Variants in PHTF1 observed in about 807,000 individuals in gnomAD.
PHTF1 encodes protein PHTF1.
Under a neutral mutation model 102.4 loss-of-function variants are expected in PHTF1, and 88 were observed. The ratio of observed to expected loss-of-function variants is 0.86; its 90% CI spans 0.72 to 1.03. The LOEUF is 1.03. Ranked by LOEUF, PHTF1 falls within the 50% of genes least tolerant of loss-of-function variation. The pLI is 0.00. For missense variants in PHTF1, 814 were observed against 909.5 expected (o/e 0.89, Z 1.35); for synonymous variants, 289 against 305.2 (o/e 0.95, Z 0.55).
chr1:113,735,493 A>G (rs1655355492), intron 5 of PHTF1, among the ~76,000 whole-genome samples: 1 of 151,446 alleles, frequency 6.6e-6, no homozygotes, highest in Non-Finnish European at 1.5e-5. Context: ...TGATAGTTTT[A>G]AATGATGGTA....
intron 16 of PHTF1, 86 bp downstream of exon 16, chr1:113,700,708 A>G: frequency 7.8e-7 from 1 of 1,285,088 alleles, no homozygotes; most frequent in Non-Finnish European, 1.1e-6. Flanking sequence ...CTAGACAGTG[A>G]TTAAACCCTG....
intron 13 of PHTF1, 121 bp downstream of exon 13, chr1:113,705,769 C>G: frequency 1.4e-6 from 1 of 692,720 alleles, no homozygotes; most frequent in Non-Finnish European, 2.5e-6. Context: ...CAAAAGTCCA[C>G]TTATCAATCC....
chr1:113,720,004 T>A (rs1652661163), intron 7 of PHTF1, among the ~76,000 whole-genome samples: 1 of 152,176 alleles, frequency 6.6e-6, no homozygotes, highest in Non-Finnish European at 1.5e-5. Flanking sequence ...CTTGTGAGAC[T>A]TATTCACTAT....
chr1:113,718,513 C>A (rs1019762787), intron 7 of PHTF1, among the ~76,000 whole-genome samples: 3 of 152,222 alleles, frequency 2.0e-5, no homozygotes, highest in African/African-American at 4.8e-5. Context: ...GGGCTCCGAC[C>A]CCACCTTTTC....
At position 113,728,563 on chromosome 1, in the gene PHTF1, T is replaced by C. The variant is rs951111703; in HGVS notation, c.332-1989A>G. Among the ~76,000 whole-genome samples the C allele has an allele frequency of 3.9e-5, 6 of 151,996 alleles. No homozygotes were observed. The East Asian group carries it at 5.8e-4, about 15-fold the overall frequency. ...TGGAGGTTCCTCAAATAAAGAAAAA[T>C]AGAACTACCATATGATCCAGCAATC... On this transcript the variant is annotated intron_variant, in intron 5 of 18. Transcript: ENST00000369604.
intron 15 of PHTF1, among the ~76,000 whole-genome samples, chr1:113,701,933 G>A (rs1649501224): frequency 6.7e-6 from 1 of 149,644 alleles, no homozygotes; most frequent in Admixed American, 6.7e-5. Flanking sequence ...CCAGCAGACT[G>A]GCACTAAAAT....
chr1:113,745,949 C>T (rs1050126224), intron 3 of PHTF1, among the ~76,000 whole-genome samples: 3 of 152,198 alleles, frequency 2.0e-5, no homozygotes, highest in Middle Eastern at 3.2e-3. Context: ...TCCCCCCACA[C>T]CAGTCCATGG....
chr1:113,704,872 TC>T, intron 13 of PHTF1, 75 bp from the exon 14 acceptor site: 2 of 981,792 alleles, frequency 2.0e-6, no homozygotes, highest in Non-Finnish European at 3.0e-6. Flanking sequence ...CCAACGATAT[TC>T]CCAGAATACA....
rs1053177308 is a variant in PHTF1, at chr1:113,700,783, C to G, written c.2046+11G>C. On this transcript the variant is annotated intron_variant, in intron 16 of 18. Transcript: ENST00000369604. ...TAACCACTAAACCCAATTGACAGGACTGATCAATACCTGTTCTGTAAGTAA... is the reference window on the plus strand; with the variant it reads ...TAACCACTAAACCCAATTGACAGGAGTGATCAATACCTGTTCTGTAAGTAA... The G allele has an allele frequency of 1.2e-6, 2 of 1,612,564 alleles. No homozygotes were observed. Among genetic ancestry groups the G allele is most frequent in the Non-Finnish European group, 1.7e-6 (2 of 1,178,976 alleles).
At chr1:113,702,329 A>G (rs771824155) in intron 15 of PHTF1, among the ~76,000 whole-genome samples, 9 of 152,194 alleles carry the variant, frequency 5.9e-5, no homozygotes, top group Non-Finnish European at 1.2e-4. Flanking sequence ...AAAGATGACA[A>G]GAGGAATGAA....
At chr1:113,742,313 G>A (rs1331619331) in intron 3 of PHTF1, among the ~76,000 whole-genome samples, 1 of 152,090 alleles carries the variant, frequency 6.6e-6, no homozygotes, top group Non-Finnish European at 1.5e-5. Flanking sequence ...CCTAAAAAAG[G>A]TACAGTAAAA....
chr1:113,705,449 A>T (rs1649980783), intron 13 of PHTF1, among the ~76,000 whole-genome samples: 1 of 152,128 alleles, frequency 6.6e-6, no homozygotes, highest in Non-Finnish European at 1.5e-5. Flanking sequence ...TCAAAAAATA[A>T]AATAAAATAA....
chr1:113,728,975 T>C (rs1468121785), intron 5 of PHTF1, among the ~76,000 whole-genome samples: 4 of 152,174 alleles, frequency 2.6e-5, no homozygotes, highest in Non-Finnish European at 5.9e-5. Flanking sequence ...ACTCCCACAT[T>C]TGTTGTAGCA....
chr1:113,753,227 C>T (rs923883957), intron 3 of PHTF1, among the ~76,000 whole-genome samples: 1 of 152,116 alleles, frequency 6.6e-6, no homozygotes, highest in Non-Finnish European at 1.5e-5. Flanking sequence ...CTTATGATGT[C>T]TTTGTCTGGT....
intron 5 of PHTF1, 119 bp downstream of exon 5, chr1:113,737,991 T>C: frequency 1.4e-6 from 1 of 700,598 alleles, no homozygotes; most frequent in Non-Finnish European, 2.4e-6. Context: ...TGTCTCTTCA[T>C]TCTGTGTACT....
rs750138763 is a variant in PHTF1 at position 113,705,904 on chromosome 1, T to C, written c.1657A>G (p.Arg553Gly). 5.0e-6 allele frequency: 8 copies of C among 1,613,822 alleles called. No individual in the cohort carries two copies. The South Asian group carries it at 8.8e-5, about 18-fold the overall frequency. Residue 553 changes from arginine to glycine, a missense_variant, in exon 13 of 19, where the codon AGA (arginine) becomes GGA (glycine). Transcript: ENST00000369604. ...MFFFMMCVAE[R>G]TYKQRFLFAK... ...TCTCCACTGACCTGTTTATATGTTC[T>C]CTCTGCCACACACATCATGAAAAAA...
At chr1:113,699,994 A>G (rs1469522501) in intron 16 of PHTF1, 195 bp from the exon 17 acceptor site, 1 of 871,914 alleles carries the variant, frequency 1.1e-6, no homozygotes, top group African/African-American at 1.7e-5. Context: ...AAGAAAAACT[A>G]TTTAGTGATG....
intron 7 of PHTF1, among the ~76,000 whole-genome samples, chr1:113,723,526 A>G (rs1653337501): frequency 6.6e-6 from 1 of 152,212 alleles, no homozygotes; most frequent in Non-Finnish European, 1.5e-5. Flanking sequence ...ACATTAGAGA[A>G]AGGACAGTCT....
intron 5 of PHTF1, among the ~76,000 whole-genome samples, chr1:113,733,084 T>G (rs1308893294): frequency 6.8e-6 from 1 of 147,480 alleles, no homozygotes; most frequent in African/African-American, 2.5e-5. Context: ...TTTTTTTTTT[T>G]TGTAGAGATG....
Sources: allele counts gnomAD v4.1 joint callset (sites outside exome capture counted in the v4.1 genomes callset), GRCh38; gene constraint gnomAD v4.1.1; transcripts MANE v1.5; gene names NCBI Gene and HGNC (gene_info 2026-07-23, HGNC 2026-07-21).